DNMBP: variants seen among roughly 807,000 people sequenced by gnomAD.
DNMBP encodes the protein dynamin binding protein, also known as dynamin-binding protein.
In DNMBP, 87 loss-of-function variants were observed where a neutral mutation model predicts 150.0. That is an observed-to-expected ratio of 0.58 (90% CI 0.49 to 0.69). The LOEUF (loss-of-function observed/expected upper bound fraction) is 0.69. DNMBP is among the 30% of genes least tolerant of loss of function. The pLI is 0.00. For synonymous variants in DNMBP, 711 were observed against 750.4 expected, an observed-to-expected ratio of 0.95 and a Z score of 0.86; for missense variants, 1,774 against 1,949.0, an observed-to-expected ratio of 0.91 and a Z score of 1.69.
At chr10:99,898,713 G>A (rs2039695413) in intron 8 of DNMBP, 30 bp downstream of exon 8, 1 of 1,611,992 alleles carries the variant, frequency 6.2e-7, no homozygotes. Context: ...GAAGAAATGA[G>A]CGCATACATC....
rs182574925 is a variant in DNMBP, at chr10:99,898,030, G to T, written c.2920+56C>A. ...CTAGCGAAGTAATGAATTGTTTTGA[G>T]AAGAAAAGCATTCTCAAAGGGCATA... On this transcript the variant is annotated intron_variant, in intron 9 of 16. Transcript: ENST00000324109. 18 of 1,497,394 alleles carry T rather than the reference G, an allele frequency of 1.2e-5. No homozygotes were observed. In the East Asian group the frequency reaches 3.6e-4, roughly 30 times the overall value. 92.8% of individuals were successfully genotyped at this position (1,497,394 alleles called of 1,614,324 possible).
chr10:99,913,548 C>T (rs974930854), intron 4 of DNMBP, among the ~76,000 whole-genome samples: 2 of 152,158 alleles, frequency 1.3e-5, no homozygotes, highest in South Asian at 4.1e-4. Context: ...GATAGCCCGG[C>T]AGGTGTTAAA....
intron 14 of DNMBP, 117 bp downstream of exon 14, chr10:99,885,570 C>G (rs1381144219): frequency 1.0e-6 from 1 of 1,003,982 alleles, no homozygotes; most frequent in South Asian, 1.8e-5. Context: ...CAACACTATT[C>G]TCCATTTATT....
intron 4 of DNMBP, among the ~76,000 whole-genome samples, chr10:99,931,327 T>C (rs2040154913): frequency 6.6e-6 from 1 of 152,190 alleles, no homozygotes; most frequent in Non-Finnish European, 1.5e-5. Context: ...ACTTCATCCC[T>C]TAACTTAGAG....
At chr10:99,902,013 C>T (rs947248445) in intron 6 of DNMBP, among the ~76,000 whole-genome samples, 17 of 151,920 alleles carry the variant, frequency 1.1e-4, no homozygotes, top group African/African-American at 3.6e-4. Flanking sequence ...AGTGATCCTC[C>T]GACCTCAGCC....
chr10:99,996,428 G>A (rs577122304), intron 1 of DNMBP, among the ~76,000 whole-genome samples: 5 of 152,282 alleles, frequency 3.3e-5, no homozygotes, highest in South Asian at 2.1e-4. Flanking sequence ...GCTGAGACAC[G>A]AGGATCACTT....
intron 4 of DNMBP, among the ~76,000 whole-genome samples, chr10:99,952,885 C>T (rs2040439892): frequency 6.6e-6 from 1 of 152,068 alleles, no homozygotes; most frequent in African/African-American, 2.4e-5. Flanking sequence ...TCTGGATCAC[C>T]ATTCTGCTTT....
chr10:99,944,528 C>T (rs2040336540), intron 4 of DNMBP, among the ~76,000 whole-genome samples: 1 of 152,180 alleles, frequency 6.6e-6, no homozygotes, highest in African/African-American at 2.4e-5. Flanking sequence ...GAGATCTGAA[C>T]CTTAACTTGT....
intron 4 of DNMBP, among the ~76,000 whole-genome samples, chr10:99,942,967 A>G (rs1484690860): frequency 2.0e-5 from 3 of 152,182 alleles, no homozygotes; most frequent in Non-Finnish European, 2.9e-5. Flanking sequence ...TTTCCTTTAC[A>G]TAAACTTTCA....
intron 4 of DNMBP, among the ~76,000 whole-genome samples, chr10:99,944,133 A>C (rs2040331793): frequency 1.3e-5 from 2 of 152,222 alleles, no homozygotes; most frequent in South Asian, 4.1e-4. Flanking sequence ...ACCCACACCG[A>C]AAGTAGCCAT....
rs9630092 is a variant in DNMBP, at chr10:99,901,936, T to C, written c.2555-1870A>G. Reference sequence around the variant, plus strand: ...TTCCTTTTTTTAAGACAGGGTCTCCTGCGTTGCCCAGGCTGGAGTGCAGTG... The same window carrying C: ...TTCCTTTTTTTAAGACAGGGTCTCCCGCGTTGCCCAGGCTGGAGTGCAGTG... On this transcript the variant is annotated intron_variant, in intron 6 of 16. Transcript: ENST00000324109. Among the ~76,000 whole-genome samples the C allele has an allele frequency of 4.3e-3, 658 of 152,174 alleles. 7 individuals carry two copies. Among genetic ancestry groups the C allele is most frequent in the African/African-American group, 0.015 (619 of 41,520 alleles).
intron 13 of DNMBP, 135 bp from the exon 14 acceptor site, chr10:99,886,001 G>T (rs2039453921): frequency 4.3e-6 from 4 of 923,936 alleles, no homozygotes; most frequent in Non-Finnish European, 6.3e-6. Flanking sequence ...AAGTTCAGCT[G>T]CAGCTCATTC....
chr10:99,909,188 A>G, intron 4 of DNMBP, 42 bp from the exon 5 acceptor site: 1 of 1,526,812 alleles, frequency 6.5e-7, no homozygotes, highest in Non-Finnish European at 9.0e-7. Context: ...CTGGGTGTAA[A>G]AGCAGCACCC....
chr10:100,002,653 T>C (rs923602760), intron 1 of DNMBP, among the ~76,000 whole-genome samples: 3 of 152,118 alleles, frequency 2.0e-5, no homozygotes, highest in Non-Finnish European at 4.4e-5. Context: ...GAAATAAACT[T>C]GTATTGGAAT....
chr10:99,969,876 C>A (rs923489725), intron 2 of DNMBP, among the ~76,000 whole-genome samples: 1 of 152,148 alleles, frequency 6.6e-6, no homozygotes, highest in Non-Finnish European at 1.5e-5. Flanking sequence ...TGCTTCCCTG[C>A]CTTCAGTTTT....
intron 4 of DNMBP, among the ~76,000 whole-genome samples, chr10:99,916,835 A>G (rs963077790): frequency 6.6e-6 from 1 of 152,096 alleles, no homozygotes; most frequent in Non-Finnish European, 1.5e-5. Context: ...AAAGAACTAA[A>G]ATTTCCTCAA....
intron 1 of DNMBP, among the ~76,000 whole-genome samples, chr10:99,973,779 G>A (rs1439722203): frequency 6.6e-6 from 1 of 152,214 alleles, no homozygotes; most frequent in Non-Finnish European, 1.5e-5. Flanking sequence ...GAGGAGTTTT[G>A]AGGCCAGCCT....
At chr10:99,904,494 T>G (rs2039795411) in intron 6 of DNMBP, among the ~76,000 whole-genome samples, 1 of 152,124 alleles carries the variant, frequency 6.6e-6, no homozygotes. Context: ...CTTCATGGTC[T>G]TCTCGGAGCC....
chr10:99,892,138 T>C (rs1434416675), intron 11 of DNMBP, among the ~76,000 whole-genome samples: 3 of 128,986 alleles, frequency 2.3e-5, no homozygotes. Context: ...AGAGCCCCTC[T>C]GCCCGGCCAG....
Sources: allele counts gnomAD v4.1 joint callset (sites outside exome capture counted in the v4.1 genomes callset), GRCh38; gene constraint gnomAD v4.1.1; transcripts MANE v1.5; gene names NCBI Gene and HGNC (gene_info 2026-07-23, HGNC 2026-07-21).